Variants in PRKAA1 observed in about 807,000 individuals in gnomAD.
PRKAA1 encodes 5'-AMP-activated protein kinase catalytic subunit alpha-1.
PRKAA1 carries 23 observed loss-of-function variants against 56.9 expected under a neutral mutation model. The observed-to-expected ratio is 0.40, with a 90% CI of 0.29 to 0.57. The LOEUF is 0.57. Among genes scored for constraint, PRKAA1 ranks in the 20% least tolerant of loss-of-function variants. The pLI is 0.39. For missense variants in PRKAA1, 413 were observed against 679.7 expected (o/e 0.61, Z 4.36); for synonymous variants, 226 against 227.0 (o/e 1.00, Z 0.04).
At chr5:40,774,302 A>C (rs930150312) in intron 3 of PRKAA1, among the ~76,000 whole-genome samples, 1 of 152,344 alleles carries the variant, frequency 6.6e-6, no homozygotes. Flanking sequence ...ACAGAGGAAG[A>C]CTTTTTTTAA....
intron 3 of PRKAA1, among the ~76,000 whole-genome samples, chr5:40,772,433 A>G (rs1048987512): frequency 8.6e-5 from 13 of 150,610 alleles, no homozygotes; most frequent in African/African-American, 3.1e-4. Context: ...AGGAAGTAAT[A>G]TTTAAGCACT....
chr5:40,791,224 C>T (rs1472798661), intron 1 of PRKAA1, among the ~76,000 whole-genome samples: 1 of 152,208 alleles, frequency 6.6e-6, no homozygotes, highest in Non-Finnish European at 1.5e-5. Flanking sequence ...CTCTGTCAGG[C>T]ATATGCACTA....
At chr5:40,774,843 G>T in intron 3 of PRKAA1, 1 of 1,160,792 alleles carries the variant, frequency 8.6e-7, no homozygotes, top group Non-Finnish European at 1.3e-6. Context: ...GCAGTGTTGA[G>T]TTTTTGTATC....
At chr5:40,792,268 A>G (rs991739456) in intron 1 of PRKAA1, among the ~76,000 whole-genome samples, 3 of 152,248 alleles carry the variant, frequency 2.0e-5, no homozygotes, top group African/African-American at 7.2e-5. Context: ...ATTGTTCTCT[A>G]AAATATACAA....
At chr5:40,790,539 T>C (rs1195544366) in intron 1 of PRKAA1, among the ~76,000 whole-genome samples, 1 of 146,652 alleles carries the variant, frequency 6.8e-6, no homozygotes, top group Non-Finnish European at 1.5e-5. Context: ...TTTTTTTTTT[T>C]TGTTGTTGTT....
intron 8 of PRKAA1, 55 bp from the exon 9 acceptor site, chr5:40,763,077 T>C (rs1216091017): frequency 2.3e-5 from 36 of 1,582,196 alleles, no homozygotes; most frequent in Non-Finnish European, 3.0e-5. Flanking sequence ...CCAAAAATTT[T>C]TGTAACAGTA....
chr5:40,775,754 T>C (rs1337862166), intron 2 of PRKAA1, among the ~76,000 whole-genome samples: 1 of 152,156 alleles, frequency 6.6e-6, no homozygotes, highest in East Asian at 1.9e-4. Flanking sequence ...GGAATCTTTG[T>C]ATACAGAGTG....
In PRKAA1 at chr5:40,785,822, G is replaced by GCA. The variant is rs147705979; in HGVS notation, c.128-8238_128-8237dup. On this transcript the variant is annotated intron_variant, in intron 1 of 8. Coordinates refer to ENST00000397128, the MANE Select transcript of PRKAA1 (RefSeq NM_006251.6). ...CTGGTATCCTTACAAGAAGAGGAGA[G>GCA]CACACACACACACACACAGAGAGAG... Among the ~76,000 whole-genome samples the GCA allele has an allele frequency of 4.0e-4, 37 of 93,142 alleles. No homozygotes were observed. The East Asian group carries it at 8.3e-3, about 21-fold the overall frequency. The allele number at this position is 93,142 out of a possible 152,430, so 61.1% of individuals were successfully genotyped here.
At chr5:40,767,216 GT>G (rs1743500641) in intron 6 of PRKAA1, among the ~76,000 whole-genome samples, 1 of 152,074 alleles carries the variant, frequency 6.6e-6, no homozygotes, top group South Asian at 2.1e-4. Flanking sequence ...GATGTTCACT[GT>G]AAAAATTTCA....
At chr5:40,771,904 A>G in intron 3 of PRKAA1, 41 bp from the exon 4 acceptor site, 1 of 1,588,036 alleles carries the variant, frequency 6.3e-7, no homozygotes, top group Non-Finnish European at 8.5e-7. Flanking sequence ...TGTGTCTTTC[A>G]AAGTAAATTG....
chr5:40,775,649 G>T, intron 2 of PRKAA1, 146 bp from the exon 3 acceptor site: 1 of 606,554 alleles, frequency 1.6e-6, no homozygotes, highest in Non-Finnish European at 2.9e-6. Context: ...CTCTCATGGA[G>T]TTCATGTTCC....
chr5:40,769,326 T>C (rs1250552814), intron 5 of PRKAA1, 90 bp downstream of exon 5: 10 of 1,011,736 alleles, frequency 9.9e-6, no homozygotes, highest in African/African-American at 1.6e-5. Context: ...TTCCTTTCAT[T>C]AGAATTAAAT....
intron 1 of PRKAA1, among the ~76,000 whole-genome samples, chr5:40,791,770 C>T (rs1744726799): frequency 6.6e-6 from 1 of 152,166 alleles, no homozygotes; most frequent in Non-Finnish European, 1.5e-5. Context: ...ATTCCAAATA[C>T]CCATGAGCCA....
chr5:40,777,228 G>T, intron 2 of PRKAA1: 1 of 359,742 alleles, frequency 2.8e-6, no homozygotes, highest in Non-Finnish European at 5.0e-6. Flanking sequence ...GGCCAGGCTG[G>T]TCTCGAACTC....
At chr5:40,793,072 AAAAAAAAAGAAAAAG>A (rs1422581313) in intron 1 of PRKAA1, among the ~76,000 whole-genome samples, 2 of 152,060 alleles carry the variant, frequency 1.3e-5, no homozygotes, top group African/African-American at 4.8e-5. Flanking sequence ...CATCTCAAAA[AAAAAAAAAGAAAAAG>A]AAAAAAAAGA....
At position 40,769,460 on chromosome 5, in the gene PRKAA1, A is replaced by G. The variant is rs370952627; in HGVS notation, c.552T>C (p.Ser184=). 227 of 1,611,510 alleles carry G rather than the reference A, an allele frequency of 1.4e-4. No homozygotes were observed. The African/African-American group carries it at 2.7e-3, about 20-fold the overall frequency. ...GTGCAGCATAGTTGGGTGAGCCACAACTTGTTCTTAAAAATTCACCATCTG... is the reference window on the plus strand; with the variant it reads ...GTGCAGCATAGTTGGGTGAGCCACAGCTTGTTCTTAAAAATTCACCATCTG... ...MMSDGEFLRT[S]CGSPNYAAPE... The change falls in exon 5 of 9, where the codon AGT becomes AGC. Residue 184 remains serine, a synonymous_variant. Coordinates refer to ENST00000397128, the MANE Select transcript of PRKAA1 (RefSeq NM_006251.6).
At chr5:40,772,125 A>G (rs994539760) in intron 3 of PRKAA1, among the ~76,000 whole-genome samples, 4 of 152,224 alleles carry the variant, frequency 2.6e-5, no homozygotes, top group East Asian at 1.9e-4. Flanking sequence ...GCCTTCCTCT[A>G]TATCTCATGA....
intron 1 of PRKAA1, among the ~76,000 whole-genome samples, chr5:40,786,057 C>A (rs1368496766): frequency 6.6e-6 from 1 of 152,076 alleles, no homozygotes; most frequent in African/African-American, 2.4e-5. Context: ...GAGTTCGAGA[C>A]CAGCCTGGCC....
intron 6 of PRKAA1, among the ~76,000 whole-genome samples, chr5:40,766,099 CA>C (rs1743420564): frequency 1.3e-5 from 2 of 152,026 alleles, no homozygotes; most frequent in African/African-American, 4.8e-5. Flanking sequence ...AAAATACAAA[CA>C]AAAACATTTC....
Sources: gnomAD v4.1 joint callset for allele counts (sites outside exome capture counted in the v4.1 genomes callset) on GRCh38, gnomAD v4.1.1 for gene constraint, MANE v1.5 for transcripts, NCBI Gene and HGNC (gene_info 2026-07-23, HGNC 2026-07-21) for gene names.